Variants in GTF2E2 observed in about 807,000 individuals in gnomAD.
The protein encoded by GTF2E2 is transcription initiation factor IIE subunit beta.
Under a neutral mutation model 40.5 loss-of-function variants are expected in GTF2E2, and 21 were observed. That is an observed-to-expected ratio of 0.52 (90% CI 0.37 to 0.75). GTF2E2 has a LOEUF of 0.75. GTF2E2 is among the 30% of genes least tolerant of loss of function. The pLI is 0.00. For missense variants in GTF2E2, 298 were observed against 338.4 expected (o/e 0.88, Z 0.94); for synonymous variants, 117 against 121.6 (o/e 0.96, Z 0.25).
intron 2 of GTF2E2, among the ~76,000 whole-genome samples, chr8:30,639,763 TTTTG>T (rs938486396): frequency 6.6e-6 from 1 of 151,776 alleles, no homozygotes; most frequent in Non-Finnish European, 1.5e-5. Context: ...TTTAAAGGGT[TTTTG>T]TTTTTTTTTT....
intron 3 of GTF2E2, among the ~76,000 whole-genome samples, chr8:30,627,068 G>A (rs1585980666): frequency 6.6e-6 from 1 of 152,142 alleles, no homozygotes; most frequent in South Asian, 2.1e-4. Context: ...ACCTAATCAT[G>A]CCAGCATGTT....
intron 3 of GTF2E2, among the ~76,000 whole-genome samples, chr8:30,633,242 T>C (rs1478186330): frequency 6.6e-6 from 1 of 152,102 alleles, no homozygotes; most frequent in African/African-American, 2.4e-5. Flanking sequence ...ATAAATGATT[T>C]GAAAGATAAA....
intron 3 of GTF2E2, among the ~76,000 whole-genome samples, chr8:30,633,475 G>C (rs1350801813): frequency 6.6e-6 from 1 of 152,080 alleles, no homozygotes; most frequent in Non-Finnish European, 1.5e-5. Context: ...ATTTTTGCTT[G>C]AATAGTGCCA....
At chr8:30,600,484 T>C (rs1236438026) in intron 6 of GTF2E2, among the ~76,000 whole-genome samples, 3 of 152,214 alleles carry the variant, frequency 2.0e-5, no homozygotes, top group African/African-American at 4.8e-5. Flanking sequence ...AATACTATTA[T>C]TTCTATTTTA....
rs538299992 is a variant in GTF2E2, at chr8:30,656,063, C to T, written c.-5+1910G>A. ...TCCTGACCTCAAGTGATCCGCCCAC[C>T]TCAGCCTCCCAAAGTGCTTAGATTA... On this transcript the variant is annotated intron_variant, in intron 1 of 7. Transcript: ENST00000355904. Among the ~76,000 whole-genome samples the T allele has an allele frequency of 7.2e-5, 11 of 152,226 alleles. No individual in the cohort carries two copies. The South Asian group carries it at 2.3e-3, about 32-fold the overall frequency.
chr8:30,641,474 C>G (rs4733195), intron 2 of GTF2E2, among the ~76,000 whole-genome samples: 24 of 152,184 alleles, frequency 1.6e-4, no homozygotes, highest in African/African-American at 3.1e-4. Context: ...GCTATCCCCC[C>G]ACCTGAGCCT....
chr8:30,580,581 G>C (rs1210071649), intron 6 of GTF2E2, among the ~76,000 whole-genome samples, 185 bp from the exon 7 acceptor site: 1 of 152,212 alleles, frequency 6.6e-6, no homozygotes, highest in African/African-American at 2.4e-5. Context: ...CCTGGAGACA[G>C]AACTGCACCC....
intron 3 of GTF2E2, among the ~76,000 whole-genome samples, chr8:30,618,159 T>C (rs1213559425): frequency 6.6e-6 from 1 of 151,234 alleles, no homozygotes; most frequent in Non-Finnish European, 1.5e-5. Context: ...TAGCCGAACA[T>C]GGTGGCACAT....
intron 2 of GTF2E2, chr8:30,645,662 T>C (rs1467427612): frequency 1.1e-5 from 16 of 1,421,838 alleles, no homozygotes; most frequent in East Asian, 2.5e-5. Context: ...AAAAAATATA[T>C]TCTGAGGCCA....
At chr8:30,596,317 C>T (rs1254237064) in intron 6 of GTF2E2, among the ~76,000 whole-genome samples, 2 of 152,126 alleles carry the variant, frequency 1.3e-5, no homozygotes, top group Admixed American at 6.6e-5. Flanking sequence ...GGTTCTCTGC[C>T]CTATTTTTTT....
intron 6 of GTF2E2, among the ~76,000 whole-genome samples, chr8:30,605,955 C>A (rs1372040253): frequency 6.6e-6 from 1 of 152,074 alleles, no homozygotes; most frequent in East Asian, 1.9e-4. Context: ...GCCACCATGC[C>A]CAGCCTTAAA....
At chr8:30,599,315 G>A (rs1028748554) in intron 6 of GTF2E2, among the ~76,000 whole-genome samples, 6 of 151,666 alleles carry the variant, frequency 4.0e-5, no homozygotes, top group African/African-American at 1.2e-4. Flanking sequence ...AGTGGCTCAC[G>A]CCTGTTATCC....
intron 3 of GTF2E2, among the ~76,000 whole-genome samples, chr8:30,621,843 G>A (rs1260390762): frequency 6.6e-6 from 1 of 151,916 alleles, no homozygotes; most frequent in Non-Finnish European, 1.5e-5. Flanking sequence ...GCACCAGGAA[G>A]AACTTCCAGT....
intron 6 of GTF2E2, among the ~76,000 whole-genome samples, chr8:30,582,822 G>A (rs1239670554): frequency 6.6e-6 from 1 of 152,160 alleles, no homozygotes; most frequent in African/African-American, 2.4e-5. Flanking sequence ...CAGGCAAGGT[G>A]TTATCTCTCA....
intron 6 of GTF2E2, among the ~76,000 whole-genome samples, chr8:30,606,682 G>C (rs1001366131): frequency 3.9e-5 from 6 of 152,080 alleles, no homozygotes; most frequent in African/African-American, 1.2e-4. Flanking sequence ...TAAGATAAGA[G>C]AACACTATTC....
intron 6 of GTF2E2, among the ~76,000 whole-genome samples, chr8:30,592,500 G>A (rs1828877004): frequency 6.6e-6 from 1 of 152,136 alleles, no homozygotes; most frequent in African/African-American, 2.4e-5. Context: ...GTCAGCCTTT[G>A]GTATCCATGG....
intron 2 of GTF2E2, chr8:30,638,469 A>C (rs1022221440): frequency 6.6e-6 from 1 of 152,518 alleles, no homozygotes; most frequent in East Asian, 1.9e-4. Flanking sequence ...ATTCAAGTTT[A>C]TGAATGATTT....
chr8:30,654,408 A>G (rs1252649571), intron 1 of GTF2E2, among the ~76,000 whole-genome samples: 3 of 151,034 alleles, frequency 2.0e-5, no homozygotes, highest in Non-Finnish European at 2.9e-5. Context: ...TATGGCTATT[A>G]AAAAAAAATT....
intron 2 of GTF2E2, chr8:30,645,739 T>C: frequency 7.8e-6 from 6 of 765,040 alleles, no homozygotes; most frequent in Non-Finnish European, 1.2e-5. Context: ...GAAAAAAAAG[T>C]TAAACATGCA....
Sources: allele counts gnomAD v4.1 joint callset (sites outside exome capture counted in the v4.1 genomes callset), GRCh38; gene constraint gnomAD v4.1.1; transcripts MANE v1.5; gene names NCBI Gene and HGNC (gene_info 2026-07-23, HGNC 2026-07-21).